Variants in ADAMTSL3 observed in about 807,000 individuals in gnomAD.
ADAMTSL3 encodes ADAMTS-like protein 3.
In ADAMTSL3, 128 loss-of-function variants were observed where a neutral mutation model predicts 201.7. The observed-to-expected ratio is 0.63, with a 90% CI of 0.55 to 0.73. The LOEUF (loss-of-function observed/expected upper bound fraction) is 0.73. Among genes scored for constraint, ADAMTSL3 ranks in the 30% least tolerant of loss-of-function variants. The pLI is 0.00. For missense variants in ADAMTSL3, 1,990 were observed against 2,119.6 expected, an observed-to-expected ratio of 0.94 and a Z score of 1.20; for synonymous variants, 738 against 748.4, an observed-to-expected ratio of 0.99 and a Z score of 0.23.
intron 3 of ADAMTSL3, among the ~76,000 whole-genome samples, chr15:83,729,518 G>C (rs1260598755): frequency 4.0e-5 from 6 of 151,512 alleles, no homozygotes; most frequent in African/African-American, 1.5e-4. Flanking sequence ...TCCTCTGCTT[G>C]ATCATTTCTG....
intron 2 of ADAMTSL3, among the ~76,000 whole-genome samples, chr15:83,663,660 G>A (rs940475548): frequency 1.3e-5 from 2 of 152,160 alleles, no homozygotes; most frequent in African/African-American, 2.4e-5. Context: ...TGTCATAAAT[G>A]TACTTCCCAT....
intron 7 of ADAMTSL3, among the ~76,000 whole-genome samples, chr15:83,855,918 G>A (rs1433055595): frequency 1.3e-5 from 2 of 151,970 alleles, no homozygotes; most frequent in Admixed American, 6.5e-5. Flanking sequence ...GGCTGAGTTG[G>A]GAGGATTGCT....
intron 4 of ADAMTSL3, among the ~76,000 whole-genome samples, chr15:83,775,660 A>G (rs1256751436): frequency 1.3e-5 from 2 of 152,130 alleles, no homozygotes; most frequent in Non-Finnish European, 2.9e-5. Flanking sequence ...TTTATTGTTG[A>G]GAGCAGGTAT....
At chr15:83,880,713 G>GA (rs1335041171) in intron 9 of ADAMTSL3, among the ~76,000 whole-genome samples, 3 of 152,156 alleles carry the variant, frequency 2.0e-5, no homozygotes, top group Non-Finnish European at 4.4e-5. Flanking sequence ...CTGAAAAACA[G>GA]AGCCCGAGGC....
chr15:83,665,494 G>A (rs966989329), intron 2 of ADAMTSL3, among the ~76,000 whole-genome samples: 1 of 152,144 alleles, frequency 6.6e-6, no homozygotes. Context: ...AGGAGAAAGG[G>A]AGAGATTGAA....
Position 84,016,502 on chromosome 15 carries a change from C to A in ADAMTSL3, c.4273+3C>A. 6.2e-7 allele frequency: 1 copy of A among 1,612,342 alleles called. No individual in the cohort carries two copies. The highest frequency in any genetic ancestry group is 8.5e-7 in the Non-Finnish European group (1 of 1,178,600). ...AACAGGAGAACCCCCGCCTCAAGGT[C>A]TGGGATTTTGACCTTTTCAGATTTG... On this transcript the variant is annotated splice_donor_region_variant and intron_variant, in intron 25 of 29. Coordinates refer to ENST00000286744, the MANE Select transcript of ADAMTSL3 (RefSeq NM_207517.3).
At chr15:83,690,742 T>C (rs957287310) in intron 2 of ADAMTSL3, among the ~76,000 whole-genome samples, 1 of 152,208 alleles carries the variant, frequency 6.6e-6, no homozygotes, top group Non-Finnish European at 1.5e-5. Context: ...CTCTCATGGC[T>C]AGCACCAGAC....
Position 83,982,344 on chromosome 15 carries a change from A to G in ADAMTSL3, c.2716A>G (p.Ile906Val). 6.2e-7 allele frequency: 1 copy of G among 1,614,034 alleles called. No homozygotes were observed. Among genetic ancestry groups the G allele is most frequent in the Non-Finnish European group, 8.5e-7 (1 of 1,180,006 alleles). The change falls in exon 21 of 30, where the codon ATT (isoleucine) becomes GTT (valine). Residue 906 changes from isoleucine to valine, a missense_variant. Coordinates refer to ENST00000286744, the MANE Select transcript of ADAMTSL3 (RefSeq NM_207517.3). Reference protein sequence around the residue: ...PQILSVQRVYIQTREEKRINL... With the variant: ...PQILSVQRVYVQTREEKRINL... ...GATCCTCAGTGTCCAGAGAGTCTAC[A>G]TTCAGACAAGGGAAGAGAAGCGTAT...
At chr15:83,848,669 C>T (rs1042118972) in intron 7 of ADAMTSL3, among the ~76,000 whole-genome samples, 1 of 152,168 alleles carries the variant, frequency 6.6e-6, no homozygotes, top group Non-Finnish European at 1.5e-5. Flanking sequence ...TACCCTGGTT[C>T]TAATGCTTAG....
At chr15:83,941,500 A>G (rs1321901459) in intron 17 of ADAMTSL3, among the ~76,000 whole-genome samples, 1 of 152,148 alleles carries the variant, frequency 6.6e-6, no homozygotes, top group African/African-American at 2.4e-5. Flanking sequence ...TTCTGCATGC[A>G]TTTATAAATG....
At chr15:83,843,679 A>G (rs947665961) in intron 7 of ADAMTSL3, among the ~76,000 whole-genome samples, 10 of 152,170 alleles carry the variant, frequency 6.6e-5, no homozygotes, top group African/African-American at 1.7e-4. Context: ...ATTCATTCCA[A>G]TCTTCCCTGG....
chr15:83,917,888 T>C (rs916010476), intron 16 of ADAMTSL3, among the ~76,000 whole-genome samples: 1 of 152,188 alleles, frequency 6.6e-6, no homozygotes, highest in Non-Finnish European at 1.5e-5. Context: ...GTTCAAAGAG[T>C]GTTTAATCAC....
At chr15:83,881,929 G>C (rs1322126443) in intron 9 of ADAMTSL3, among the ~76,000 whole-genome samples, 2 of 151,990 alleles carry the variant, frequency 1.3e-5, no homozygotes, top group African/African-American at 4.8e-5. Context: ...GGAGGTGGGC[G>C]GATCATGAGA....
At chr15:84,023,549 G>T (rs2068244507) in intron 26 of ADAMTSL3, among the ~76,000 whole-genome samples, 1 of 152,184 alleles carries the variant, frequency 6.6e-6, no homozygotes, top group African/African-American at 2.4e-5. Context: ...TCAAAAGGAA[G>T]ATCTCATGTT....
At chr15:83,889,524 A>G (rs1481786635) in intron 10 of ADAMTSL3, among the ~76,000 whole-genome samples, 1 of 152,244 alleles carries the variant, frequency 6.6e-6, no homozygotes, top group Non-Finnish European at 1.5e-5. Context: ...GATACACAAA[A>G]AAACAACCTT....
At chr15:83,891,452 G>A (rs185235494) in intron 12 of ADAMTSL3, 73 bp downstream of exon 12, 213 of 1,264,912 alleles carry the variant, frequency 1.7e-4, no homozygotes, top group South Asian at 2.6e-4. Flanking sequence ...TGTAGCAATA[G>A]CCTAAAATGT....
At chr15:83,892,994 TAA>T in intron 13 of ADAMTSL3, 106 bp downstream of exon 13, 1 of 1,102,570 alleles carries the variant, frequency 9.1e-7, no homozygotes, top group Non-Finnish European at 1.3e-6. Context: ...AAAAAAGTGG[TAA>T]AAGAGCATGG....
intron 2 of ADAMTSL3, among the ~76,000 whole-genome samples, chr15:83,667,953 A>G (rs2061271505): frequency 6.6e-6 from 1 of 152,096 alleles, no homozygotes; most frequent in South Asian, 2.1e-4. Context: ...AATGAAGAGA[A>G]GATAGGACTC....
intron 2 of ADAMTSL3, among the ~76,000 whole-genome samples, chr15:83,677,938 TTCTC>T (rs34231485): frequency 0.27 from 41,039 of 149,476 alleles, 5,733 homozygotes; most frequent in South Asian, 0.49. Flanking sequence ...AGTTTTCATT[TTCTC>T]TCTCTCTCTC....
Sources: allele counts gnomAD v4.1 joint callset (sites outside exome capture counted in the v4.1 genomes callset), GRCh38; gene constraint gnomAD v4.1.1; transcripts MANE v1.5; gene names NCBI Gene and HGNC (gene_info 2026-07-23, HGNC 2026-07-21).